Variants in BRINP3 observed in about 807,000 individuals in gnomAD.
The protein encoded by BRINP3 is BMP/retinoic acid inducible neural specific 3.
A neutral mutation model predicts 71.0 loss-of-function variants in BRINP3; 19 were observed. The observed-to-expected ratio is 0.27, with a 90% CI of 0.19 to 0.39. The LOEUF is 0.39. Ranked by LOEUF, BRINP3 falls within the 10% of genes least tolerant of loss-of-function variation. The pLI, the probability that BRINP3 is intolerant of heterozygous loss-of-function variation, is 1.00. For synonymous variants in BRINP3, 380 were observed against 337.7 expected, an observed-to-expected ratio of 1.13 and a Z score of -1.37; for missense variants, 959 against 940.8, an observed-to-expected ratio of 1.02 and a Z score of -0.25.
intron 1 of BRINP3, among the ~76,000 whole-genome samples, chr1:190,470,077 T>C (rs1677029006): frequency 6.6e-6 from 1 of 151,056 alleles, no homozygotes; most frequent in Non-Finnish European, 1.5e-5. Flanking sequence ...CTGAAAAATC[T>C]AAAATGCATG....
At chr1:190,289,725 CT>C (rs1663714333) in intron 2 of BRINP3, among the ~76,000 whole-genome samples, 1 of 151,914 alleles carries the variant, frequency 6.6e-6, no homozygotes, top group African/African-American at 2.4e-5. Flanking sequence ...ATAATATAAA[CT>C]TCTTAAATAT....
chr1:190,145,286 A>G (rs1481771022), intron 7 of BRINP3, among the ~76,000 whole-genome samples: 1 of 152,134 alleles, frequency 6.6e-6, no homozygotes, highest in Admixed American at 6.6e-5. Context: ...AACTTTTTGT[A>G]TGTTGATTTT....
chr1:190,368,836 T>C (rs1669677535), intron 2 of BRINP3, among the ~76,000 whole-genome samples: 1 of 152,196 alleles, frequency 6.6e-6, no homozygotes, highest in South Asian at 2.1e-4. Flanking sequence ...AATGTACACT[T>C]AATGCATAGA....
intron 2 of BRINP3, among the ~76,000 whole-genome samples, chr1:190,283,540 C>G (rs1019223716): frequency 1.3e-5 from 2 of 151,176 alleles, no homozygotes; most frequent in Admixed American, 1.3e-4. Flanking sequence ...CTTTCCAAAC[C>G]TAAGTTGATA....
intron 2 of BRINP3, among the ~76,000 whole-genome samples, chr1:190,403,635 A>C (rs145601661): frequency 1.3e-5 from 2 of 152,364 alleles, no homozygotes; most frequent in Admixed American, 1.3e-4. Context: ...GAGTCAACAC[A>C]TCAGTGTATT....
At chr1:190,099,377 G>A (rs1246281775) in intron 7 of BRINP3, among the ~76,000 whole-genome samples, 1 of 151,938 alleles carries the variant, frequency 6.6e-6, no homozygotes, top group Non-Finnish European at 1.5e-5. Flanking sequence ...CAAGATTAGA[G>A]CTATACTTGG....
At chr1:190,143,421 C>T (rs149625350) in intron 7 of BRINP3, among the ~76,000 whole-genome samples, 1 of 152,108 alleles carries the variant, frequency 6.6e-6, no homozygotes, top group African/African-American at 2.4e-5. Context: ...AAAGGTCAAG[C>T]CTTTCAGTTA....
chr1:190,441,625 T>C (rs1674827119), intron 2 of BRINP3, among the ~76,000 whole-genome samples: 1 of 152,130 alleles, frequency 6.6e-6, no homozygotes, highest in African/African-American at 2.4e-5. Flanking sequence ...AATGTGCATA[T>C]TTGGAATAAA....
intron 7 of BRINP3, among the ~76,000 whole-genome samples, chr1:190,128,080 G>T (rs753588733): frequency 6.6e-6 from 1 of 151,646 alleles, no homozygotes; most frequent in Non-Finnish European, 1.5e-5. Flanking sequence ...GAAAAATCAG[G>T]TAGGAGGATA....
chr1:190,436,505 AAAAGAGTG>A (rs956202115), intron 2 of BRINP3, among the ~76,000 whole-genome samples: 3 of 151,880 alleles, frequency 2.0e-5, no homozygotes, highest in African/African-American at 7.2e-5. Flanking sequence ...AAGATCCAAA[AAAAGAGTG>A]AAAGGAGATC....
chr1:190,303,749 A>G (rs925613724), intron 2 of BRINP3, among the ~76,000 whole-genome samples: 1 of 151,818 alleles, frequency 6.6e-6, no homozygotes, highest in South Asian at 2.1e-4. Flanking sequence ...AATTTGGCTC[A>G]GTCTCAATAT....
intron 2 of BRINP3, among the ~76,000 whole-genome samples, chr1:190,363,620 A>G (rs1669296450): frequency 6.6e-6 from 1 of 152,152 alleles, no homozygotes; most frequent in Non-Finnish European, 1.5e-5. Context: ...CACGTGCTCA[A>G]GATTGCCCTG....
intron 2 of BRINP3, among the ~76,000 whole-genome samples, chr1:190,374,486 T>TA (rs1670064429): frequency 6.6e-6 from 1 of 152,078 alleles, no homozygotes; most frequent in African/African-American, 2.4e-5. Flanking sequence ...GTGTAAACAC[T>TA]AAAAAGGAGG....
chr1:190,353,817 C>T (rs561052656), intron 2 of BRINP3, among the ~76,000 whole-genome samples: 5 of 152,108 alleles, frequency 3.3e-5, no homozygotes, highest in African/African-American at 1.2e-4. Flanking sequence ...ACACCATCTC[C>T]ACATACACTA....
intron 2 of BRINP3, among the ~76,000 whole-genome samples, chr1:190,388,230 G>T (rs1288387339): frequency 6.6e-6 from 1 of 151,726 alleles, no homozygotes; most frequent in Non-Finnish European, 1.5e-5. Context: ...AAAGTGAAAA[G>T]TTACTCTATG....
At position 190,190,996 on chromosome 1, in the gene BRINP3, G is replaced by A. The variant is rs939670572; in HGVS notation, c.962-30106C>T. On this transcript the variant is annotated intron_variant, in intron 6 of 7. Coordinates refer to ENST00000367462, the MANE Select transcript of BRINP3 (RefSeq NM_199051.3). ...TGAACTAGTGATCTGTAAGCAAAGC[G>A]ATAATGAGGATAGTTTTATGGTCAA... 1.4e-4 allele frequency among the ~76,000 whole-genome samples: 21 copies of A among 152,214 alleles called. 1 individual carries two copies. In the South Asian group the frequency reaches 2.3e-3, roughly 17 times the overall value.
chr1:190,457,956 G>T (rs545502047), intron 1 of BRINP3, among the ~76,000 whole-genome samples: 4 of 150,178 alleles, frequency 2.7e-5, no homozygotes, highest in African/African-American at 7.4e-5. Context: ...TATTTAAGGC[G>T]TATAGCATGA....
chr1:190,135,158 T>A (rs990381309), intron 7 of BRINP3, among the ~76,000 whole-genome samples: 1 of 152,112 alleles, frequency 6.6e-6, no homozygotes, highest in Non-Finnish European at 1.5e-5. Flanking sequence ...GCATTTGTGA[T>A]AACAAATGCA....
chr1:190,178,707 A>G lies in BRINP3; in HGVS notation c.962-17817T>C, dbSNP rs912128309. 2.6e-5 allele frequency among the ~76,000 whole-genome samples: 4 copies of G among 152,156 alleles called. 1 individual carries two copies. Among genetic ancestry groups the G allele is most frequent in the African/African-American group, 4.8e-5 (2 of 41,448 alleles). On this transcript the variant is annotated intron_variant, in intron 6 of 7. Coordinates refer to ENST00000367462, the MANE Select transcript of BRINP3 (RefSeq NM_199051.3). The stretch of plus-strand genomic sequence containing the variant: ...CTTACAGCCTCTACTCATCACTTAC[A>G]TAAGTACCTATAAATATACAGGCAA...
Sources: gnomAD v4.1 joint callset for allele counts (sites outside exome capture counted in the v4.1 genomes callset) on GRCh38, gnomAD v4.1.1 for gene constraint, MANE v1.5 for transcripts, NCBI Gene and HGNC (gene_info 2026-07-23, HGNC 2026-07-21) for gene names.